The following PCDHGA8 variants were observed in gnomAD, a reference collection of about 807,000 sequenced individuals.
PCDHGA8 encodes the protein protocadherin gamma subfamily A, 8, also known as protocadherin gamma-A8.
A neutral mutation model predicts 59.2 loss-of-function variants in PCDHGA8; 45 were observed. The observed-to-expected ratio is 0.76, with a 90% confidence interval of 0.60 to 0.98. The LOEUF (loss-of-function observed/expected upper bound fraction) is 0.98. PCDHGA8 is among the 50% of genes least tolerant of loss of function. PCDHGA8 has a pLI of 0.00. For synonymous variants in PCDHGA8, 531 were observed against 519.0 expected (o/e 1.02, Z -0.32); for missense variants, 1,257 against 1,196.2 (o/e 1.05, Z -0.75).
At chr5:141,400,819 C>A (rs1316119038) in intron 1 of PCDHGA8, among the ~76,000 whole-genome samples, 1 of 152,132 alleles carries the variant, frequency 6.6e-6, no homozygotes, top group African/African-American at 2.4e-5. Flanking sequence ...TTTACCTATT[C>A]GTTGTCTCAT....
chr5:141,504,206 A>C (rs1209911822), intron 2 of PCDHGA8, among the ~76,000 whole-genome samples: 1 of 152,218 alleles, frequency 6.6e-6, no homozygotes, highest in East Asian at 1.9e-4. Context: ...CTGTGGGAAA[A>C]TTCCAAGTAG....
chr5:141,410,414 G>A lies in PCDHGA8; in HGVS notation c.2424+15177G>A, dbSNP rs201698858. On this transcript the variant is annotated intron_variant, in intron 1 of 3. Coordinates refer to ENST00000398604, the MANE Select transcript of PCDHGA8 (RefSeq NM_032088.2). ...TGGTCTCTGTGTCAAGTCTGGACCT[G>A]TAGTTCCCCCCAACTACAGTGAGGG... 2.0e-4 allele frequency: 326 copies of A among 1,613,916 alleles called. 1 individual carries two copies. The highest frequency in any genetic ancestry group is 2.7e-4 in the Non-Finnish European group (315 of 1,179,910).
At chr5:141,461,979 A>C (rs1420971777) in intron 1 of PCDHGA8, among the ~76,000 whole-genome samples, 1 of 152,144 alleles carries the variant, frequency 6.6e-6, no homozygotes, top group Non-Finnish European at 1.5e-5. Context: ...ATATGCCACC[A>C]CGCCAGGCTA....
At position 141,474,586 on chromosome 5, in the gene PCDHGA8, A is replaced by T. The variant is rs149003643; in HGVS notation, c.2425-20221A>T. 7.1e-4 allele frequency among the ~76,000 whole-genome samples: 108 copies of T among 152,340 alleles called. No individual in the cohort carries two copies. The East Asian group carries it at 0.015, about 21-fold the overall frequency. The stretch of plus-strand genomic sequence containing the variant: ...TCAGAGATTAATTGAAGTGTTAAAG[A>T]CATGGAAATATAGGTCACATATGGC... On this transcript the variant is annotated intron_variant, in intron 1 of 3. Coordinates refer to ENST00000398604, the MANE Select transcript of PCDHGA8 (RefSeq NM_032088.2).
At chr5:141,404,877 T>C in intron 1 of PCDHGA8, 1 of 1,613,856 alleles carries the variant, frequency 6.2e-7, no homozygotes, top group East Asian at 2.2e-5. Flanking sequence ...AAACAGAGCC[T>C]TGTGGTGGCT....
chr5:141,430,686 C>G, intron 1 of PCDHGA8: 1 of 1,397,218 alleles, frequency 7.2e-7, no homozygotes, highest in Non-Finnish European at 9.5e-7. Context: ...CTGTCCCATT[C>G]TATGGGCGAA....
At chr5:141,428,241 A>C (rs1416124194) in intron 1 of PCDHGA8, 1 of 961,518 alleles carries the variant, frequency 1.0e-6, no homozygotes, top group Admixed American at 2.0e-5. Flanking sequence ...TGCAGGAGGC[A>C]CTGCCAGACT....
At chr5:141,423,695 G>T in intron 1 of PCDHGA8, 1 of 1,338,020 alleles carries the variant, frequency 7.5e-7, no homozygotes, top group Non-Finnish European at 9.7e-7. Context: ...AATTGTTGGT[G>T]TCTTGGCACA....
chr5:141,432,237 A>T lies in PCDHGA8; in HGVS notation c.2424+37000A>T. ...GCCCAGATCACTTATTCCCTGGCTG[A>T]GAACACCATCCAAGGGGCAAGCCTA... On this transcript the variant is annotated intron_variant, in intron 1 of 3. Transcript: ENST00000398604. The surrounding 1 kb of genome is among the most constrained non-coding windows in gnomAD (Gnocchi z 6.0). The T allele has an allele frequency of 2.5e-6, 4 of 1,614,224 alleles. No individual in the cohort carries two copies. Among genetic ancestry groups the T allele is most frequent in the Non-Finnish European group, 3.4e-6 (4 of 1,180,032 alleles).
At chr5:141,415,312 A>G (rs1245475147) in intron 1 of PCDHGA8, 1 of 1,614,222 alleles carries the variant, frequency 6.2e-7, no homozygotes, top group Non-Finnish European at 8.5e-7. Context: ...GGCCTTCGTC[A>G]TCGTGCTGCT....
At position 141,485,651 on chromosome 5, in the gene PCDHGA8, G is replaced by A. The variant is rs752827268; in HGVS notation, c.2425-9156G>A. The A allele has an allele frequency of 6.8e-6, 11 of 1,612,228 alleles. No individual in the cohort carries two copies. The Admixed American group carries it at 1.3e-4, about 20-fold the overall frequency. ...TTTCCCGTTGGAAAAGGCTCAGGATGCAGATGTGGGGAGCAATTCGATTAG... is the reference window on the plus strand; with the variant it reads ...TTTCCCGTTGGAAAAGGCTCAGGATACAGATGTGGGGAGCAATTCGATTAG... On this transcript the variant is annotated intron_variant, in intron 1 of 3. Transcript: ENST00000398604. This position sits in a 1 kb window ranked among gnomAD's most constrained non-coding sequence, Gnocchi z 5.7.
At chr5:141,428,727 A>G (rs1348450181) in intron 1 of PCDHGA8, 1 of 160,588 alleles carries the variant, frequency 6.2e-6, no homozygotes, top group Non-Finnish European at 1.4e-5. Context: ...AAAATCTTAA[A>G]CATATTATAT....
Position 141,491,758 on chromosome 5 carries a change from C to A in PCDHGA8, c.2425-3049C>A. The stretch of plus-strand genomic sequence containing the variant: ...TGGGGGCGGCACTGGAGAAGCCGCC[C>A]GTCCTCATAAGGGATTGAACTTGCA... On this transcript the variant is annotated intron_variant, in intron 1 of 3. Coordinates refer to ENST00000398604, the MANE Select transcript of PCDHGA8 (RefSeq NM_032088.2). This position sits in a 1 kb window ranked among gnomAD's most constrained non-coding sequence, Gnocchi z 6.9. 6.3e-7 allele frequency: 1 copy of A among 1,578,788 alleles called. No homozygotes were observed. Among genetic ancestry groups the A allele is most frequent in the Non-Finnish European group, 8.6e-7 (1 of 1,163,522 alleles).
At chr5:141,497,245 G>T (rs779763574) in intron 2 of PCDHGA8, among the ~76,000 whole-genome samples, 2 of 152,138 alleles carry the variant, frequency 1.3e-5, no homozygotes, top group Non-Finnish European at 2.9e-5. Flanking sequence ...TCTAGGAGGA[G>T]GTGACATTGA....
chr5:141,494,751 G>C (rs2099756509), intron 1 of PCDHGA8, 56 bp from the exon 2 acceptor site: 2 of 1,613,426 alleles, frequency 1.2e-6, no homozygotes, highest in African/African-American at 1.3e-5. Flanking sequence ...AGGGGCTCGG[G>C]TGACATTCTA....
At chr5:141,499,707 T>G (rs1303008532) in intron 2 of PCDHGA8, among the ~76,000 whole-genome samples, 2 of 150,494 alleles carry the variant, frequency 1.3e-5, no homozygotes, top group African/African-American at 2.5e-5. Flanking sequence ...TTTTTTTTTT[T>G]TTTTGGAGAC....
At chr5:141,428,097 C>T (rs2097109296) in intron 1 of PCDHGA8, 2 of 1,608,758 alleles carry the variant, frequency 1.2e-6, no homozygotes, top group African/African-American at 1.3e-5. Flanking sequence ...GCTGTCCTAC[C>T]ACGTGCTGCA....
chr5:141,394,536 G>A lies in PCDHGA8; in HGVS notation c.1723G>A (p.Val575Met). The A allele has an allele frequency of 1.2e-6, 2 of 1,614,188 alleles. No individual in the cohort carries two copies. Among genetic ancestry groups the A allele is most frequent in the Middle Eastern group, 1.7e-4 (1 of 6,058 alleles). Reference sequence around the variant, plus strand: ...CCTCCCCACAGACGGTTCCACTGGCGTGGAGCTGGCGCCCCGCTCCGCAGA... The same window carrying A: ...CCTCCCCACAGACGGTTCCACTGGCATGGAGCTGGCGCCCCGCTCCGCAGA... Reference protein sequence around the residue: ...PALPTDGSTGVELAPRSAERG... With the variant: ...PALPTDGSTGMELAPRSAERG... Residue 575 changes from valine (V) to methionine (M), a missense_variant, in exon 1 of 4, where the codon GTG (valine) becomes ATG (methionine). Physicochemically the swap from Val to Met is conservative, Grantham distance 21. Transcript: ENST00000398604.
chr5:141,488,793 C>G (rs1274193018), intron 1 of PCDHGA8, among the ~76,000 whole-genome samples: 1 of 152,172 alleles, frequency 6.6e-6, no homozygotes, highest in African/African-American at 2.4e-5. Context: ...TTTGTCTTCC[C>G]TGTTGAGTAC....
Sources: allele counts gnomAD v4.1 joint callset (sites outside exome capture counted in the v4.1 genomes callset), GRCh38; gene constraint gnomAD v4.1.1; non-coding constraint Gnocchi (gnomAD v3.1); transcripts MANE v1.5; gene names NCBI Gene and HGNC (gene_info 2026-07-23, HGNC 2026-07-21).